Variants in CSMD1 observed in about 807,000 individuals in gnomAD.
The protein encoded by CSMD1 is CUB and Sushi multiple domains 1.
A neutral mutation model predicts 417.5 loss-of-function variants in CSMD1; 213 were observed. That is an observed-to-expected ratio of 0.51 (90% CI 0.46 to 0.57). The LOEUF (loss-of-function observed/expected upper bound fraction) is 0.57, where lower values mean the gene tolerates loss of function less well. Ranked by LOEUF, CSMD1 falls within the 20% of genes least tolerant of loss-of-function variation. CSMD1 has a pLI of 0.00. For synonymous variants in CSMD1, 2,862 were observed against 1,736.8 expected, an observed-to-expected ratio of 1.65 and a Z score of -16.11; for missense variants, 6,923 against 4,529.7, an observed-to-expected ratio of 1.53 and a Z score of -15.17.
rs573958871 is a variant in CSMD1, at chr8:4,348,352, C to T, written c.415+71601G>A. ...GCCACAGCAGCGAAGTCATGGAATC[C>T]ACCCAAGTGTACTACGCTACAAGTG... On this transcript the variant is annotated intron_variant, in intron 3 of 69. Transcript: ENST00000635120. Among the ~76,000 whole-genome samples the T allele has an allele frequency of 3.3e-5, 5 of 152,096 alleles. No individual in the cohort carries two copies. In the East Asian group the frequency reaches 7.8e-4, roughly 24 times the overall value.
intron 3 of CSMD1, among the ~76,000 whole-genome samples, chr8:4,354,604 C>G (rs531683630): frequency 6.6e-6 from 1 of 152,054 alleles, no homozygotes; most frequent in Non-Finnish European, 1.5e-5. Context: ...ACCACCTTCT[C>G]CTTGAACGTA....
intron 1 of CSMD1, among the ~76,000 whole-genome samples, chr8:4,976,981 G>A (rs879447151): frequency 3.3e-5 from 5 of 152,138 alleles, no homozygotes; most frequent in African/African-American, 4.8e-5. Context: ...TCTCCTAATA[G>A]AGCAATTTGT....
chr8:4,453,994 T>C (rs1034171512), intron 2 of CSMD1, among the ~76,000 whole-genome samples: 4 of 151,662 alleles, frequency 2.6e-5, no homozygotes, highest in Admixed American at 6.6e-5. Context: ...GCTAATTTTT[T>C]GTATTTTTTA....
Position 2,982,274 on chromosome 8 carries a change from T to C in CSMD1, c.8378-3474A>G, listed in dbSNP as rs111730517. 7.7e-3 allele frequency among the ~76,000 whole-genome samples: 1,172 copies of C among 152,278 alleles called. 12 individuals are homozygous for C. Among genetic ancestry groups the C allele is most frequent in the African/African-American group, 0.027 (1,106 of 41,556 alleles). On this transcript the variant is annotated intron_variant, in intron 54 of 69. Transcript: ENST00000635120. The stretch of plus-strand genomic sequence containing the variant: ...AGGAGGCTGAGGCAGGAGAATTGCT[T>C]GAACCCAGGATGCGGAAGCTGCAGT...
intron 18 of CSMD1, among the ~76,000 whole-genome samples, chr8:3,371,780 AAG>A (rs1459848661): frequency 6.6e-6 from 1 of 152,176 alleles, no homozygotes; most frequent in Non-Finnish European, 1.5e-5. Context: ...AAATCGGCAA[AAG>A]AGAAAATTTT....
In CSMD1 at chr8:3,425,419, C is replaced by T. The variant is rs997992895; in HGVS notation, c.1562-15814G>A. 2.0e-5 allele frequency among the ~76,000 whole-genome samples: 3 copies of T among 151,800 alleles called. No homozygotes were observed. In the East Asian group the frequency reaches 5.8e-4, roughly 30 times the overall value. ...CGTGGCCAACATGGTGAAACCCTGT[C>T]TCTACTAAAAATACAAAAATTAGCT... is the stretch of plus-strand genomic sequence containing the variant. On this transcript the variant is annotated intron_variant, in intron 12 of 69. Coordinates refer to ENST00000635120, the MANE Select transcript of CSMD1 (RefSeq NM_033225.6).
intron 5 of CSMD1, among the ~76,000 whole-genome samples, chr8:3,828,184 C>A (rs1330253312): frequency 1.3e-5 from 2 of 152,122 alleles, no homozygotes; most frequent in South Asian, 4.1e-4. Context: ...CAAGTTTAAC[C>A]AGTATGCAAT....
At chr8:3,308,622 T>C (rs961709532) in intron 23 of CSMD1, 119 bp from the exon 24 acceptor site, 3 of 726,116 alleles carry the variant, frequency 4.1e-6, no homozygotes, top group East Asian at 5.5e-5. Context: ...AAAAAGGAGA[T>C]TGTGAATTTA....
chr8:4,218,915 C>T (rs755532245), intron 3 of CSMD1, among the ~76,000 whole-genome samples: 1 of 152,186 alleles, frequency 6.6e-6, no homozygotes, highest in Non-Finnish European at 1.5e-5. Context: ...CATTTTGGAT[C>T]TGAACCCTTG....
At chr8:4,465,711 A>T (rs891961278) in intron 2 of CSMD1, among the ~76,000 whole-genome samples, 6 of 152,174 alleles carry the variant, frequency 3.9e-5, no homozygotes, top group African/African-American at 1.4e-4. Flanking sequence ...GAAGAATGGT[A>T]GGAAAGGATG....
At chr8:4,717,586 A>C (rs1673268) in intron 1 of CSMD1, among the ~76,000 whole-genome samples, 122,605 of 146,828 alleles carry the variant, frequency 0.84, 50,662 homozygotes, top group East Asian at 0.9. Flanking sequence ...ATCCATCCAT[A>C]CATCCATCCA....
chr8:4,637,431 C>G lies in CSMD1; in HGVS notation c.213G>C (p.Gln71His). The G allele has an allele frequency of 6.2e-7, 1 of 1,613,854 alleles. No individual in the cohort carries two copies. Among genetic ancestry groups the G allele is most frequent in the East Asian group, 2.2e-5 (1 of 44,840 alleles). ...CAAGAGCAAAGGTATGGAAGGACAACTGTATCCTATTGCGCTCGCCCGTGA... is the reference window on the plus strand; with the variant it reads ...CAAGAGCAAAGGTATGGAAGGACAAGTGTATCCTATTGCGCTCGCCCGTGA... Reference protein sequence around the residue: ...IIITGERNRIQLSFHTFALEE... With the variant: ...IIITGERNRIHLSFHTFALEE... Residue 71 changes from glutamine to histidine, a missense_variant, in exon 2 of 70, where the codon CAG becomes CAC. Coordinates refer to ENST00000635120, the MANE Select transcript of CSMD1 (RefSeq NM_033225.6).
At chr8:4,588,148 T>G (rs142375596) in intron 2 of CSMD1, among the ~76,000 whole-genome samples, 26 of 152,246 alleles carry the variant, frequency 1.7e-4, no homozygotes, top group African/African-American at 5.8e-4. Context: ...GACGGGCTTA[T>G]TTTAAATGGC....
At chr8:3,691,029 G>C (rs2624074) in intron 7 of CSMD1, among the ~76,000 whole-genome samples, 1 of 151,838 alleles carries the variant, frequency 6.6e-6, no homozygotes, top group East Asian at 1.9e-4. Flanking sequence ...TGGTACTAAA[G>C]TATCTTTTTC....
At chr8:4,084,222 G>A (rs1191282075) in intron 3 of CSMD1, among the ~76,000 whole-genome samples, 1 of 151,584 alleles carries the variant, frequency 6.6e-6, no homozygotes, top group Non-Finnish European at 1.5e-5. Flanking sequence ...GTTTTACTCT[G>A]TAGAGTAGTA....
intron 1 of CSMD1, among the ~76,000 whole-genome samples, chr8:4,806,307 C>T (rs10092951): frequency 0.45 from 68,987 of 151,860 alleles, 16,053 homozygotes; most frequent in Middle Eastern, 0.52. Context: ...AGGAAGGTGG[C>T]CTAGTTCCAC....
chr8:4,618,302 C>T (rs749753976), intron 2 of CSMD1, among the ~76,000 whole-genome samples: 1 of 93,526 alleles, frequency 1.1e-5, no homozygotes, highest in African/African-American at 4.8e-5. Context: ...AGCCATGTCC[C>T]TCATAAGCAG....
chr8:4,680,983 A>AGT (rs1279756711), intron 1 of CSMD1, among the ~76,000 whole-genome samples: 1 of 138,530 alleles, frequency 7.2e-6, no homozygotes, highest in Non-Finnish European at 1.6e-5. Context: ...TGTGAGAGAG[A>AGT]GAGAGAGAGA....
chr8:4,877,449 C>A (rs924928169), intron 1 of CSMD1, among the ~76,000 whole-genome samples: 2 of 151,996 alleles, frequency 1.3e-5, no homozygotes, highest in African/African-American at 2.4e-5. Context: ...CTTATAAACA[C>A]CAGATGTTAT....
Sources: gnomAD v4.1 joint callset for allele counts (sites outside exome capture counted in the v4.1 genomes callset) on GRCh38, gnomAD v4.1.1 for gene constraint, MANE v1.5 for transcripts, NCBI Gene and HGNC (gene_info 2026-07-23, HGNC 2026-07-21) for gene names.